IER5L: variants seen among roughly 807,000 people sequenced by gnomAD.
IER5L encodes the protein immediate early response gene 5-like protein.
Under a neutral mutation model 28.3 loss-of-function variants are expected in IER5L, and 6 were observed. The observed-to-expected ratio is 0.21, with a 90% confidence interval of 0.12 to 0.42. IER5L has a LOEUF of 0.42. IER5L is among the 10% of genes least tolerant of loss of function. The pLI is 1.00. For missense variants in IER5L, 607 were observed against 575.2 expected, an observed-to-expected ratio of 1.06 and a Z score of -0.56; for synonymous variants, 351 against 282.5, an observed-to-expected ratio of 1.24 and a Z score of -2.43.
Position 129,178,207 on chromosome 9 carries a change from G to C in IER5L, c.-155C>G, listed in dbSNP as rs2131663479. 1.8e-6 allele frequency: 1 copy of C among 568,238 alleles called. No homozygotes were observed. The highest frequency in any genetic ancestry group is 3.5e-5 in the East Asian group (1 of 28,412). 35.2% of individuals were successfully genotyped at this position (568,238 alleles called of 1,614,324 possible). ...GCGCTCCGAAAGGAGCCGCCACCATGCGCCGCGCGCCACCCGCGGGCTCGC... is the reference window on the plus strand; with the variant it reads ...GCGCTCCGAAAGGAGCCGCCACCATCCGCCGCGCGCCACCCGCGGGCTCGC... On this transcript the variant is annotated 5_prime_UTR_variant, in exon 1 of 1. Transcript: ENST00000372491.
At position 129,177,758 on chromosome 9, in the gene IER5L, C is replaced by A; in HGVS notation, c.295G>T (p.Asp99Tyr). ...FGPLQLGGGG[D>Y]AEAREPAARH... ...GCGGCCGGCTCGCGCGCCTCCGCGTCCCCGCCGCCGCCAAGTTGGAGCGGG... is the reference window on the plus strand; with the variant it reads ...GCGGCCGGCTCGCGCGCCTCCGCGTACCCGCCGCCGCCAAGTTGGAGCGGG... The change falls in exon 1 of 1, where the codon GAC becomes TAC. Residue 99 changes from aspartate (D) to tyrosine (Y), a missense_variant. By Grantham distance (160) the Asp-to-Tyr change is radical (BLOSUM62 -3). Transcript: ENST00000372491. 1 of 1,455,846 alleles carries A rather than the reference C, an allele frequency of 6.9e-7. No homozygotes were observed. The highest frequency in any genetic ancestry group is 3.0e-5 in the East Asian group (1 of 33,208). The allele number at this position is 1,455,846 out of a possible 1,614,324, so 90.2% of individuals were successfully genotyped here.
At position 129,176,120 on chromosome 9, in the gene IER5L, T is replaced by A. The variant is rs1430889998; in HGVS notation, c.*718A>T. ...CGGGGTGTCAGGCGCCACCCCCGAG[T>A]CCGGGAGACGGGTGGAGGAGGGGAG... is the stretch of plus-strand genomic sequence containing the variant. On this transcript the variant is annotated 3_prime_UTR_variant, in exon 1 of 1. Coordinates refer to ENST00000372491, the MANE Select transcript of IER5L (RefSeq NM_203434.3). 2 of 143,152 alleles carry A rather than the reference T, an allele frequency of 1.4e-5. No individual in the cohort carries two copies. Among genetic ancestry groups the A allele is most frequent in the Admixed American group, 1.4e-4 (2 of 14,466 alleles). The allele number at this position is 143,152 out of a possible 1,614,324, so 8.9% of individuals were successfully genotyped here.
At position 129,176,700 on chromosome 9, in the gene IER5L, C is replaced by G; in HGVS notation, c.*138G>C. ...TTTTATTTTACAATTTATAAAACAT[C>G]AGCCGCCTGCCCCCGCTCGCCCCCA... is the stretch of plus-strand genomic sequence containing the variant. On this transcript the variant is annotated 3_prime_UTR_variant, in exon 1 of 1. Coordinates refer to ENST00000372491, the MANE Select transcript of IER5L (RefSeq NM_203434.3). 9.3e-7 allele frequency: 1 copy of G among 1,072,242 alleles called. No individual in the cohort carries two copies. Among genetic ancestry groups the G allele is most frequent in the Non-Finnish European group, 1.2e-6 (1 of 811,230 alleles). 66.4% of individuals were successfully genotyped at this position (1,072,242 alleles called of 1,614,324 possible).
chr9:129,176,787 TG>T lies in IER5L; in HGVS notation c.*50del. The T allele has an allele frequency of 6.9e-7, 1 of 1,440,920 alleles. No homozygotes were observed. Among genetic ancestry groups the T allele is most frequent in the Non-Finnish European group, 9.1e-7 (1 of 1,100,140 alleles). The allele number at this position is 1,440,920 out of a possible 1,614,324, so 89.3% of individuals were successfully genotyped here. On this transcript the variant is annotated 3_prime_UTR_variant, in exon 1 of 1. Coordinates refer to ENST00000372491, the MANE Select transcript of IER5L (RefSeq NM_203434.3). ...TCCTCTCGCCCCTTTGCCGAGTCTT[TG>T]TCTGGCCCCAGCCCCGCGGGGCCCC...
chr9:129,176,774 T>C lies in IER5L; in HGVS notation c.*64A>G. ...CCCGCTCGTTCCCTCCTCTCGCCCCTTTGCCGAGTCTTTGTCTGGCCCCAG... is the reference window on the plus strand; with the variant it reads ...CCCGCTCGTTCCCTCCTCTCGCCCCCTTGCCGAGTCTTTGTCTGGCCCCAG... On this transcript the variant is annotated 3_prime_UTR_variant, in exon 1 of 1. Transcript: ENST00000372491. The C allele has an allele frequency of 7.1e-7, 1 of 1,415,038 alleles. No homozygotes were observed. The allele number at this position is 1,415,038 out of a possible 1,614,324, so 87.7% of individuals were successfully genotyped here. A position where few individuals can be genotyped will look rare whatever the true frequency, so the allele number is the denominator to read the frequency against.
In IER5L at chr9:129,177,864, TTGCTGCTGC is replaced by T; in HGVS notation, c.180_188del (p.Gln64_Gln66del). On this transcript the variant is annotated inframe_deletion, in exon 1 of 1. Coordinates refer to ENST00000372491, the MANE Select transcript of IER5L (RefSeq NM_203434.3). Reference sequence around the variant, plus strand: ...GCTGGTGGTGGGGCGGCTGCTGCTGTTGCTGCTGCTGCTGGCGCCGGTAGAGCTCGGCGT... The same window carrying T: ...GCTGGTGGTGGGGCGGCTGCTGCTGTTGCTGGCGCCGGTAGAGCTCGGCGT... 3.2e-6 allele frequency: 5 copies of T among 1,542,000 alleles called. No individual in the cohort carries two copies. The South Asian group carries it at 3.6e-5, about 11-fold the overall frequency.
At position 129,177,308 on chromosome 9, in the gene IER5L, G is replaced by A. The variant is rs758715053; in HGVS notation, c.745C>T (p.His249Tyr). Reference sequence around the variant, plus strand: ...AGCACGGTGGTCTGGCTGCTGCAGTGCAAGCCGAAGTCCGAAGGGGTAGGG... The same window carrying A: ...AGCACGGTGGTCTGGCTGCTGCAGTACAAGCCGAAGTCCGAAGGGGTAGGG... Reference protein sequence around the residue: ...AYPTPSDFGLHCSSQTTVLDL... With the variant: ...AYPTPSDFGLYCSSQTTVLDL... Residue 249 changes from histidine to tyrosine, a missense_variant, in exon 1 of 1, where the codon CAC (histidine) becomes TAC (tyrosine). Coordinates refer to ENST00000372491, the MANE Select transcript of IER5L (RefSeq NM_203434.3). 43 of 1,427,996 alleles carry A rather than the reference G, an allele frequency of 3.0e-5. No individual in the cohort carries two copies. The highest frequency in any genetic ancestry group is 5.4e-5 in the East Asian group (2 of 36,770). The allele number at this position is 1,427,996 out of a possible 1,614,324, so 88.5% of individuals were successfully genotyped here. A position where few individuals can be genotyped will look rare whatever the true frequency, so the allele number is the denominator to read the frequency against.
At position 129,177,523 on chromosome 9, in the gene IER5L, G is replaced by A. The variant is rs988439157; in HGVS notation, c.530C>T (p.Pro177Leu). The change falls in exon 1 of 1, where the codon CCT becomes CTT. Residue 177 changes from proline to leucine, a missense_variant. Coordinates refer to ENST00000372491, the MANE Select transcript of IER5L (RefSeq NM_203434.3). ...GAPHRGQPLE[P>L]LQPGPAPLPL... ...CAGCGGCGCAGGACCCGGCTGCAGAGGCTCCAAGGGCTGCCCGCGGTGGGG... is the reference window on the plus strand; with the variant it reads ...CAGCGGCGCAGGACCCGGCTGCAGAAGCTCCAAGGGCTGCCCGCGGTGGGG... 10 of 984,406 alleles carry A rather than the reference G, an allele frequency of 1.0e-5. No homozygotes were observed. The highest frequency in any genetic ancestry group is 1.3e-4 in the Admixed American group (2 of 15,852). 61.0% of individuals were successfully genotyped at this position (984,406 alleles called of 1,614,324 possible).
In IER5L at chr9:129,176,843, A is replaced by C; in HGVS notation, c.1210T>G (p.Phe404Val). ...LGAWTRAIVA[F>V] Reference sequence around the variant, plus strand: ...CCCTGTGCCCTCGGGGGTCCCTAGAAGGCGACAATGGCTCGAGTCCAGGCG... The same window carrying C: ...CCCTGTGCCCTCGGGGGTCCCTAGACGGCGACAATGGCTCGAGTCCAGGCG... Residue 404 changes from phenylalanine to valine, a missense_variant, in exon 1 of 1, where the codon TTC becomes GTC. Transcript: ENST00000372491. 6.3e-7 allele frequency: 1 copy of C among 1,589,684 alleles called. No homozygotes were observed. Among genetic ancestry groups the C allele is most frequent in the Non-Finnish European group, 8.5e-7 (1 of 1,170,322 alleles).
rs944231206 is a variant in IER5L at position 129,178,242 on chromosome 9, A to G, written c.-190T>C. 2.5e-4 allele frequency: 113 copies of G among 451,928 alleles called. 1 individual carries two copies. The highest frequency in any genetic ancestry group is 3.5e-4 in the Non-Finnish European group (93 of 266,872). The allele number at this position is 451,928 out of a possible 1,614,324, so 28.0% of individuals were successfully genotyped here. ...CCACCCGCGGGCTCGCGCTCCCCAG[A>G]CGGCGCCAAAGCAATGAGTCTCGGC... On this transcript the variant is annotated 5_prime_UTR_variant, in exon 1 of 1. Coordinates refer to ENST00000372491, the MANE Select transcript of IER5L (RefSeq NM_203434.3).
In IER5L at chr9:129,178,229, T is replaced by C. The variant is rs1829446031; in HGVS notation, c.-177A>G. 2 of 485,466 alleles carry C rather than the reference T, an allele frequency of 4.1e-6. No individual in the cohort carries two copies. The highest frequency in any genetic ancestry group is 5.6e-5 in the South Asian group (1 of 17,816). The allele number at this position is 485,466 out of a possible 1,614,324, so 30.1% of individuals were successfully genotyped here. On this transcript the variant is annotated 5_prime_UTR_variant, in exon 1 of 1. Coordinates refer to ENST00000372491, the MANE Select transcript of IER5L (RefSeq NM_203434.3). The stretch of plus-strand genomic sequence containing the variant: ...CATGCGCCGCGCGCCACCCGCGGGC[T>C]CGCGCTCCCCAGACGGCGCCAAAGC...
Position 129,177,701 on chromosome 9 carries a change from G to A in IER5L, c.352C>T (p.His118Tyr). The A allele has an allele frequency of 1.4e-6, 2 of 1,405,592 alleles. No homozygotes were observed. The highest frequency in any genetic ancestry group is 1.9e-6 in the Non-Finnish European group (2 of 1,080,180). 87.1% of individuals were successfully genotyped at this position (1,405,592 alleles called of 1,614,324 possible). ...RHQLHQLHQL[H>Y]QLHLQQQLHQ... ...AGCTGCTGCTGGAGGTGCAGCTGGT[G>A]GAGCTGGTGGAGCTGGTGCAGCTGG... Residue 118 changes from histidine (H) to tyrosine (Y), a missense_variant, in exon 1 of 1, where the codon CAC (histidine) becomes TAC (tyrosine). By Grantham distance (83) the His-to-Tyr change is moderately conservative. Transcript: ENST00000372491.
Position 129,176,759 on chromosome 9 carries a change from C to G in IER5L, c.*79G>C, listed in dbSNP as rs1256130303. 2 of 1,390,590 alleles carry G rather than the reference C, an allele frequency of 1.4e-6. No homozygotes were observed. Among genetic ancestry groups the G allele is most frequent in the East Asian group, 3.0e-5 (1 of 33,258 alleles). The allele number at this position is 1,390,590 out of a possible 1,614,324, so 86.1% of individuals were successfully genotyped here. A position where few individuals can be genotyped will look rare whatever the true frequency, so the allele number is the denominator to read the frequency against. ...CCGAGTGGCCCGGCGCCCGCTCGTT[C>G]CCTCCTCTCGCCCCTTTGCCGAGTC... On this transcript the variant is annotated 3_prime_UTR_variant, in exon 1 of 1. Transcript: ENST00000372491.
At position 129,177,049 on chromosome 9, in the gene IER5L, T is replaced by C. The variant is rs777093031; in HGVS notation, c.1004A>G (p.Lys335Arg). 1 of 1,541,618 alleles carries C rather than the reference T, an allele frequency of 6.5e-7. No individual in the cohort carries two copies. Among genetic ancestry groups the C allele is most frequent in the Non-Finnish European group, 8.7e-7 (1 of 1,145,530 alleles). Reference protein sequence around the residue: ...PPGGAPFAPCKRARFEDFCPD... With the variant: ...PPGGAPFAPCRRARFEDFCPD... ...GCAGAAGTCCTCGAAGCGGGCGCGC[T>C]TGCAGGGGGCGAACGGGGCGCCCCC... The change falls in exon 1 of 1, where the codon AAG becomes AGG. Residue 335 changes from lysine (K) to arginine (R), a missense_variant. Lys to Arg is a conservative substitution (Grantham distance 26). Transcript: ENST00000372491.
Position 129,177,895 on chromosome 9 carries a change from G to C in IER5L, c.158C>G (p.Ala53Gly). The C allele has an allele frequency of 6.4e-7, 1 of 1,550,852 alleles. No homozygotes were observed. The highest frequency in any genetic ancestry group is 8.7e-7 in the Non-Finnish European group (1 of 1,148,658). The change falls in exon 1 of 1, where the codon GCC becomes GGC. Residue 53 changes from alanine to glycine, a missense_variant. Transcript: ENST00000372491. Reference protein sequence around the residue: ...ARQLYLSERYAELYRRQQQQQ... With the variant: ...ARQLYLSERYGELYRRQQQQQ... ...CTGCTGCTGGCGCCGGTAGAGCTCGGCGTAGCGCTCGCTCAGGTAGAGCTG... is the reference window on the plus strand; with the variant it reads ...CTGCTGCTGGCGCCGGTAGAGCTCGCCGTAGCGCTCGCTCAGGTAGAGCTG...
chr9:129,176,771 C>T lies in IER5L; in HGVS notation c.*67G>A. The T allele has an allele frequency of 7.1e-7, 1 of 1,411,708 alleles. No individual in the cohort carries two copies. The highest frequency in any genetic ancestry group is 9.2e-7 in the Non-Finnish European group (1 of 1,085,294). The allele number at this position is 1,411,708 out of a possible 1,614,324, so 87.4% of individuals were successfully genotyped here. A position where few individuals can be genotyped will look rare whatever the true frequency, so the allele number is the denominator to read the frequency against. On this transcript the variant is annotated 3_prime_UTR_variant, in exon 1 of 1. Transcript: ENST00000372491. ...GCGCCCGCTCGTTCCCTCCTCTCGC[C>T]CCTTTGCCGAGTCTTTGTCTGGCCC...
rs1409912373 is a variant in IER5L at position 129,177,139 on chromosome 9, T to A, written c.914A>T (p.Tyr305Phe). 6.8e-7 allele frequency: 1 copy of A among 1,464,214 alleles called. No individual in the cohort carries two copies. Among genetic ancestry groups the A allele is most frequent in the Non-Finnish European group, 9.0e-7 (1 of 1,110,360 alleles). 90.7% of individuals were successfully genotyped at this position (1,464,214 alleles called of 1,614,324 possible). ...ASAAGCKRKY[Y>F]PGQEEEEDDE... Reference sequence around the variant, plus strand: ...GTCTTCCTCCTCCTCCTGGCCAGGGTAATACTTGCGCTTGCAGCCGGCGGC... The same window carrying A: ...GTCTTCCTCCTCCTCCTGGCCAGGGAAATACTTGCGCTTGCAGCCGGCGGC... Residue 305 changes from tyrosine (Y) to phenylalanine (F), a missense_variant, in exon 1 of 1, where the codon TAC (tyrosine) becomes TTC (phenylalanine). Tyr to Phe is a conservative substitution (Grantham distance 22, BLOSUM62 3). Coordinates refer to ENST00000372491, the MANE Select transcript of IER5L (RefSeq NM_203434.3).
Position 129,178,227 on chromosome 9 carries a change from G to A in IER5L, c.-175C>T, listed in dbSNP as rs1025337982. The A allele has an allele frequency of 5.5e-5, 27 of 493,774 alleles. No individual in the cohort carries two copies. Among genetic ancestry groups the A allele is most frequent in the African/African-American group, 2.0e-4 (10 of 49,662 alleles). 30.6% of individuals were successfully genotyped at this position (493,774 alleles called of 1,614,324 possible). A position where few individuals can be genotyped will look rare whatever the true frequency, so the allele number is the denominator to read the frequency against. On this transcript the variant is annotated 5_prime_UTR_variant, in exon 1 of 1. Transcript: ENST00000372491. ...ACCATGCGCCGCGCGCCACCCGCGG[G>A]CTCGCGCTCCCCAGACGGCGCCAAA...
In IER5L at chr9:129,178,236, C is replaced by A; in HGVS notation, c.-184G>T. 4.3e-6 allele frequency: 2 copies of A among 464,158 alleles called. No individual in the cohort carries two copies. The highest frequency in any genetic ancestry group is 7.2e-6 in the Non-Finnish European group (2 of 276,776). The allele number at this position is 464,158 out of a possible 1,614,324, so 28.8% of individuals were successfully genotyped here. Reference sequence around the variant, plus strand: ...CGCGCGCCACCCGCGGGCTCGCGCTCCCCAGACGGCGCCAAAGCAATGAGT... The same window carrying A: ...CGCGCGCCACCCGCGGGCTCGCGCTACCCAGACGGCGCCAAAGCAATGAGT... On this transcript the variant is annotated 5_prime_UTR_variant, in exon 1 of 1. Coordinates refer to ENST00000372491, the MANE Select transcript of IER5L (RefSeq NM_203434.3).
Sources: gnomAD v4.1 joint callset for allele counts on GRCh38, gnomAD v4.1.1 for gene constraint, MANE v1.5 for transcripts, NCBI Gene and HGNC (gene_info 2026-07-23, HGNC 2026-07-21) for gene names.